Variants in LMO7 observed in about 807,000 individuals in gnomAD.
LMO7 encodes LIM domain only protein 7.
Under a neutral mutation model 206.5 loss-of-function variants are expected in LMO7, and 120 were observed. The observed-to-expected ratio is 0.58, with a 90% CI of 0.50 to 0.68. The LOEUF (loss-of-function observed/expected upper bound fraction) is 0.68, where lower values mean the gene tolerates loss of function less well. Ranked by LOEUF, LMO7 falls within the 30% of genes least tolerant of loss-of-function variation. The pLI, the probability that LMO7 is intolerant of heterozygous loss-of-function variation, is 0.00. For synonymous variants in LMO7, 706 were observed against 681.5 expected (o/e 1.04, Z -0.56); for missense variants, 1,959 against 1,957.9 (o/e 1.00, Z -0.01).
chr13:75,714,457 T>G (rs2043360666), intron 2 of LMO7, among the ~76,000 whole-genome samples: 1 of 152,186 alleles, frequency 6.6e-6, no homozygotes, highest in South Asian at 2.1e-4. Context: ...GTGTTCAAAG[T>G]TCTTTGTCTT....
intron 1 of LMO7, among the ~76,000 whole-genome samples, chr13:75,684,377 G>T (rs1403301932): frequency 2.0e-5 from 3 of 151,872 alleles, no homozygotes; most frequent in Non-Finnish European, 2.9e-5. Context: ...GAGTAGCTGG[G>T]ATTACAGGCA....
At chr13:75,697,677 A>G (rs1214891375) in intron 1 of LMO7, among the ~76,000 whole-genome samples, 2 of 152,188 alleles carry the variant, frequency 1.3e-5, no homozygotes, top group Non-Finnish European at 2.9e-5. Flanking sequence ...TTGATCTTTT[A>G]TATTTCTCAA....
intron 3 of LMO7, among the ~76,000 whole-genome samples, chr13:75,731,847 T>G (rs997490146): frequency 6.6e-6 from 1 of 151,968 alleles, no homozygotes; most frequent in Non-Finnish European, 1.5e-5. Context: ...TCTCTCAGCA[T>G]TTGCTTGTCT....
Position 75,833,089 on chromosome 13 carries a change from G to T in LMO7, c.2988G>T (p.Thr996=). The change falls in exon 16 of 31, where the codon ACG becomes ACT. Residue 996 remains threonine (T), a synonymous_variant. Transcript: ENST00000377534. ...ATATGAGAATCAGCATAAACCAGAC[G>T]CCTGGGAAGAGTCTTGACTTTGGGT... The part of the protein sequence containing the change: ...FSDMRISINQ[T]PGKSLDFGFT... The T allele has an allele frequency of 1.2e-6, 2 of 1,611,178 alleles. No homozygotes were observed. The highest frequency in any genetic ancestry group is 1.7e-6 in the Non-Finnish European group (2 of 1,177,524).
In LMO7 at chr13:75,761,009, A is replaced by G. The variant is rs369873212; in HGVS notation, c.288A>G (p.Leu96=). The change falls in exon 4 of 31, where the codon CTA becomes CTG. Residue 96 remains leucine, a synonymous_variant. Transcript: ENST00000377534. ...CCCAGCTTTTCCATCCTGGAGATCTACAGGATTTATCAAATCGAGTCACTG... is the reference window on the plus strand; with the variant it reads ...CCCAGCTTTTCCATCCTGGAGATCTGCAGGATTTATCAAATCGAGTCACTG... ...KEAQLFHPGD[L]QDLSNRVTVK... 8.7e-6 allele frequency: 14 copies of G among 1,606,920 alleles called. No individual in the cohort carries two copies. The highest frequency in any genetic ancestry group is 2.2e-5 in the South Asian group (2 of 91,002).
chr13:75,841,282 T>C, intron 23 of LMO7, 81 bp downstream of exon 23: 1 of 867,740 alleles, frequency 1.2e-6, no homozygotes, highest in Non-Finnish European at 1.8e-6. Flanking sequence ...AGACACTTCA[T>C]TTTTCTCCAC....
At position 75,838,175 on chromosome 13, in the gene LMO7, C is replaced by T. The variant is rs1164988319; in HGVS notation, c.3430C>T (p.Arg1144Ter). ...ESISLKNLKRRSQFFEQGSSD... is the reference protein window; with the variant it reads ...ESISLKNLKR ...CATTTCTTTGAAAAACTTAAAAAGG[C>T]GATCACAATTTTTTGAACAAGGTAA... The change falls in exon 20 of 31, where the codon CGA becomes TGA. Residue 1144 changes from arginine (R) to a stop codon, truncating the protein, a stop_gained. Transcript: ENST00000377534. LOFTEE classifies it high-confidence loss of function. 2 of 1,605,258 alleles carry T rather than the reference C, an allele frequency of 1.2e-6. No homozygotes were observed. Among genetic ancestry groups the T allele is most frequent in the South Asian group, 1.1e-5 (1 of 90,792 alleles).
At chr13:75,801,803 T>C (rs1009868368) in intron 7 of LMO7, among the ~76,000 whole-genome samples, 1 of 152,222 alleles carries the variant, frequency 6.6e-6, no homozygotes, top group African/African-American at 2.4e-5. Context: ...GAATATTACT[T>C]TTCTATTTCT....
chr13:75,658,499 C>T (rs2038259759), intron 1 of LMO7, among the ~76,000 whole-genome samples: 2 of 151,984 alleles, frequency 1.3e-5, no homozygotes, highest in South Asian at 4.1e-4. Context: ...AAAATTATGA[C>T]TAAAGTTCTT....
At chr13:75,698,780 T>C (rs756165283) in intron 1 of LMO7, among the ~76,000 whole-genome samples, 1 of 152,292 alleles carries the variant, frequency 6.6e-6, no homozygotes, top group Admixed American at 6.5e-5. Flanking sequence ...AATGTCTCAG[T>C]GTACAGTTCA....
At chr13:75,650,244 C>T (rs1472599781) in intron 1 of LMO7, among the ~76,000 whole-genome samples, 1 of 152,154 alleles carries the variant, frequency 6.6e-6, no homozygotes, top group Non-Finnish European at 1.5e-5. Context: ...ATTCTCCTGC[C>T]TCAGCCTCCT....
intron 4 of LMO7, among the ~76,000 whole-genome samples, chr13:75,786,485 C>T (rs961654623): frequency 7.2e-5 from 11 of 152,020 alleles, no homozygotes; most frequent in Non-Finnish European, 5.9e-5. Context: ...CGCCACTCTC[C>T]TGCCTCAGCC....
intron 1 of LMO7, among the ~76,000 whole-genome samples, chr13:75,697,726 T>G (rs1409932404): frequency 6.6e-6 from 1 of 152,230 alleles, no homozygotes; most frequent in Non-Finnish European, 1.5e-5. Flanking sequence ...TCTTCATGCT[T>G]CAACTTTTAT....
rs534809455 is a variant in LMO7 at position 75,739,418 on chromosome 13, C to T, written c.210+12320C>T. On this transcript the variant is annotated intron_variant, in intron 3 of 30. Coordinates refer to ENST00000377534, the MANE Select transcript of LMO7 (RefSeq NM_001306080.2). ...ACCATAGAGGCTGGGAAGATTGTCTCCTCATTCAGGAATGCTGTAGAAAGC... is the reference window on the plus strand; with the variant it reads ...ACCATAGAGGCTGGGAAGATTGTCTTCTCATTCAGGAATGCTGTAGAAAGC... Among the ~76,000 whole-genome samples the T allele has an allele frequency of 7.9e-5, 12 of 152,306 alleles. 1 individual carries two copies. The highest frequency in any genetic ancestry group is 6.5e-4 in the Admixed American group (10 of 15,300).
chr13:75,737,828 T>G (rs1165338477), intron 3 of LMO7, among the ~76,000 whole-genome samples: 1 of 81,576 alleles, frequency 1.2e-5, no homozygotes, highest in African/African-American at 5.1e-5. Context: ...AAATATAGAT[T>G]CACAGGAAGC....
In LMO7 at chr13:75,636,373, C is replaced by T. The variant is rs904158650; in HGVS notation, c.-285C>T. ...GTGCCGCGCGCTGCCGCTGGGCACC[C>T]GCTTCGCTTCCCGCGTCCTGCCTGA... is the stretch of plus-strand genomic sequence containing the variant. On this transcript the variant is annotated 5_prime_UTR_variant, in exon 1 of 31. Transcript: ENST00000377534. The T allele has an allele frequency of 3.2e-6, 4 of 1,267,212 alleles. No homozygotes were observed. Among genetic ancestry groups the T allele is most frequent in the Middle Eastern group, 3.1e-4 (1 of 3,222 alleles). 78.5% of individuals were successfully genotyped at this position (1,267,212 alleles called of 1,614,324 possible).
At position 75,819,429 on chromosome 13, in the gene LMO7, A is replaced by G. The variant is rs779291985; in HGVS notation, c.2101A>G (p.Thr701Ala). 1 of 1,610,298 alleles carries G rather than the reference A, an allele frequency of 6.2e-7. No individual in the cohort carries two copies. Among genetic ancestry groups the G allele is most frequent in the Admixed American group, 1.7e-5 (1 of 58,790 alleles). Reference protein sequence around the residue: ...AKWKDRRKSYTSDLQKKKEER... With the variant: ...AKWKDRRKSYASDLQKKKEER... ...ATGGAAAGATCGTCGAAAAAGTTAC[A>G]CTTCAGATCTGCAGAAGAAAAAAGA... The change falls in exon 13 of 31, where the codon ACT (threonine) becomes GCT (alanine). Residue 701 changes from threonine to alanine, a missense_variant. Coordinates refer to ENST00000377534, the MANE Select transcript of LMO7 (RefSeq NM_001306080.2).
rs764599899 is a variant in LMO7 at position 75,811,208 on chromosome 13, C to CTT, written c.1946+2042_1946+2043dup. Among the ~76,000 whole-genome samples the CTT allele has an allele frequency of 9.1e-3, 1,184 of 130,640 alleles. 19 individuals are homozygous for CTT. The highest frequency in any genetic ancestry group is 0.011 in the Non-Finnish European group (674 of 63,230). 85.7% of individuals were successfully genotyped at this position (130,640 alleles called of 152,430 possible). On this transcript the variant is annotated intron_variant, in intron 11 of 30. Transcript: ENST00000377534. Reference sequence around the variant, plus strand: ...TCTTTTTCTTTCTTTTTTTCTTTCTCTTTTTTTTTTTTTTTTTTAAGAGAT... The same window carrying CTT: ...TCTTTTTCTTTCTTTTTTTCTTTCTCTTTTTTTTTTTTTTTTTTTTAAGAGAT...
At chr13:75,685,890 CTT>C (rs551370410) in intron 1 of LMO7, among the ~76,000 whole-genome samples, 3,398 of 105,810 alleles carry the variant, frequency 0.032, 35 homozygotes, top group African/African-American at 0.038. Context: ...TTTTCTTTCT[CTT>C]TTTTTTTTTT....
Sources: gnomAD v4.1 joint callset for allele counts (sites outside exome capture counted in the v4.1 genomes callset) on GRCh38, gnomAD v4.1.1 for gene constraint, MANE v1.5 for transcripts, NCBI Gene and HGNC (gene_info 2026-07-23, HGNC 2026-07-21) for gene names.